TAF4B: variants seen among roughly 807,000 people sequenced by gnomAD.
TAF4B encodes TATA-box binding protein associated factor 4b, also known as transcription initiation factor TFIID subunit 4B.
TAF4B carries 38 observed loss-of-function variants against 86.4 expected under a neutral mutation model. That is an observed-to-expected ratio of 0.44 (90% CI 0.34 to 0.58). TAF4B has a LOEUF of 0.58. Ranked by LOEUF, TAF4B falls within the 20% of genes least tolerant of loss-of-function variation. The pLI is 0.02. For synonymous variants in TAF4B, 388 were observed against 391.2 expected (o/e 0.99, Z 0.10); for missense variants, 988 against 1,027.6 (o/e 0.96, Z 0.53).
chr18:26,244,738 T>G (rs557486266), intron 1 of TAF4B, among the ~76,000 whole-genome samples: 1 of 152,290 alleles, frequency 6.6e-6, no homozygotes, highest in East Asian at 1.9e-4. Context: ...ATTATCCTTA[T>G]AAGAGAAACT....
chr18:26,255,892 G>A, intron 1 of TAF4B: 1 of 1,244,000 alleles, frequency 8.0e-7, no homozygotes. Context: ...GAAACAACTG[G>A]TGTTCTGTTA....
intron 6 of TAF4B, among the ~76,000 whole-genome samples, chr18:26,285,274 C>G (rs1310330782): frequency 2.6e-5 from 3 of 114,876 alleles, no homozygotes; most frequent in African/African-American, 9.2e-5. Context: ...GGCTAGAATG[C>G]AGTGGCATGA....
chr18:26,232,650 G>A (rs562597917), intron 1 of TAF4B, among the ~76,000 whole-genome samples: 38 of 152,034 alleles, frequency 2.5e-4, no homozygotes, highest in Admixed American at 1.8e-3. Flanking sequence ...GTGGCATCTC[G>A]TACTATCCCT....
intron 1 of TAF4B, among the ~76,000 whole-genome samples, chr18:26,247,093 G>T (rs67053996): frequency 6.6e-6 from 1 of 151,754 alleles, no homozygotes; most frequent in African/African-American, 2.4e-5. Context: ...TCGAACTCCC[G>T]ATCTTAGGTG....
At chr18:26,367,653 C>T (rs1447376444) in intron 14 of TAF4B, among the ~76,000 whole-genome samples, 1 of 152,166 alleles carries the variant, frequency 6.6e-6, no homozygotes, top group African/African-American at 2.4e-5. Flanking sequence ...ATCTGGGTAA[C>T]CCTTAGCCCA....
chr18:26,354,715 A>G (rs980578484), intron 13 of TAF4B, among the ~76,000 whole-genome samples: 3 of 152,146 alleles, frequency 2.0e-5, no homozygotes, highest in Non-Finnish European at 1.5e-5. Context: ...GGCCGTATTT[A>G]TATGCATCTT....
intron 6 of TAF4B, among the ~76,000 whole-genome samples, chr18:26,283,766 G>A (rs765019286): frequency 1.2e-4 from 18 of 152,016 alleles, no homozygotes; most frequent in Admixed American, 2.0e-4. Context: ...AAAATCTGTC[G>A]TTGGCCAGGC....
Position 26,358,432 on chromosome 18 carries a change from C to T in TAF4B, c.2421+638C>T, listed in dbSNP as rs539636749. 2.0e-3 allele frequency among the ~76,000 whole-genome samples: 303 copies of T among 152,286 alleles called. 2 individuals carry two copies. The highest frequency in any genetic ancestry group is 7.0e-3 in the African/African-American group (293 of 41,562). ...TAATTATTTAAGATAATATTAGGGC[C>T]GGGCGAGGTGGCTCACGCCTGTAAT... On this transcript the variant is annotated intron_variant, in intron 14 of 14. Transcript: ENST00000269142.
At chr18:26,370,871 A>G (rs2057401403) in intron 14 of TAF4B, among the ~76,000 whole-genome samples, 1 of 152,216 alleles carries the variant, frequency 6.6e-6, no homozygotes, top group African/African-American at 2.4e-5. Flanking sequence ...AGGTGGCCTG[A>G]AAGTGAAATT....
rs557055742 is a variant in TAF4B, at chr18:26,313,571, G to A, written c.1833-1658G>A. On this transcript the variant is annotated intron_variant, in intron 9 of 14. Transcript: ENST00000269142. ...TTTTCTTTCCCCATTACAGAGACAT[G>A]CCTTTTAATTTTGAGCTTTTGGTAT... Among the ~76,000 whole-genome samples the A allele has an allele frequency of 6.6e-5, 10 of 152,048 alleles. No homozygotes were observed. The South Asian group carries it at 2.1e-3, about 32-fold the overall frequency.
chr18:26,372,946 G>A (rs867528691), intron 14 of TAF4B, among the ~76,000 whole-genome samples: 38 of 137,770 alleles, frequency 2.8e-4, no homozygotes, highest in Admixed American at 2.6e-3. Flanking sequence ...GGGCAAAAGA[G>A]CTAGACTCTG....
At chr18:26,306,790 A>T (rs1007118400) in intron 9 of TAF4B, among the ~76,000 whole-genome samples, 15 of 148,208 alleles carry the variant, frequency 1.0e-4, no homozygotes, top group African/African-American at 2.5e-4. Context: ...TTATTTATTT[A>T]TTTTTTAAGA....
chr18:26,306,944 A>T (rs1251296565), intron 9 of TAF4B, among the ~76,000 whole-genome samples: 1 of 151,422 alleles, frequency 6.6e-6, no homozygotes, highest in African/African-American at 2.4e-5. Flanking sequence ...CACCCGGCTA[A>T]TTTTTTTTGT....
intron 13 of TAF4B, among the ~76,000 whole-genome samples, chr18:26,337,436 T>G (rs1158453170): frequency 2.7e-5 from 4 of 148,816 alleles, no homozygotes; most frequent in African/African-American, 9.9e-5. Context: ...TTTTTTTTTT[T>G]TTTTTGAGAT....
At chr18:26,251,861 A>G (rs142964338) in intron 1 of TAF4B, among the ~76,000 whole-genome samples, 3 of 152,328 alleles carry the variant, frequency 2.0e-5, no homozygotes, top group Admixed American at 6.5e-5. Context: ...TCTTGAAAAC[A>G]CTTTGGTCTG....
chr18:26,285,210 C>CTTTTTTTTTTTTTTTTTTTTTTTTTTT (rs113394710), intron 6 of TAF4B, among the ~76,000 whole-genome samples: 41 of 42,518 alleles, frequency 9.6e-4, no homozygotes, highest in Non-Finnish European at 1.4e-3. Context: ...TCTTCCTTTC[C>CTTTTTTTTTTTTTTTTTTTTTTTTTTT]TTTTTTTTTT....
At chr18:26,258,130 T>C (rs1172581704) in intron 1 of TAF4B, among the ~76,000 whole-genome samples, 2 of 151,998 alleles carry the variant, frequency 1.3e-5, no homozygotes, top group East Asian at 1.9e-4. Flanking sequence ...GGCATGTGCC[T>C]GTAATCCCAG....
Position 26,337,420 on chromosome 18 carries a change from C to CT in TAF4B, c.2316+2192dup, listed in dbSNP as rs2057101235. On this transcript the variant is annotated intron_variant, in intron 13 of 14. Transcript: ENST00000269142. ...CATATCTTTTTTCTTTTCTTTCTTT[C>CT]TTTCTTTTTTTTTTTTTTTTTGAGA... Among the ~76,000 whole-genome samples, 3 of 127,516 alleles carry CT rather than the reference C, an allele frequency of 2.4e-5. No homozygotes were observed. In the South Asian group the frequency reaches 1.0e-3, roughly 43 times the overall value. The allele number at this position is 127,516 out of a possible 152,430, so 83.7% of individuals were successfully genotyped here. A position where few individuals can be genotyped will look rare whatever the true frequency, so the allele number is the denominator to read the frequency against.
At chr18:26,244,482 C>T (rs577281413) in intron 1 of TAF4B, among the ~76,000 whole-genome samples, 2 of 152,178 alleles carry the variant, frequency 1.3e-5, no homozygotes, top group Non-Finnish European at 2.9e-5. Context: ...GTCACGGCTT[C>T]CCTTGGCTAG....
Sources: allele counts gnomAD v4.1 joint callset (sites outside exome capture counted in the v4.1 genomes callset), GRCh38; gene constraint gnomAD v4.1.1; transcripts MANE v1.5; gene names NCBI Gene and HGNC (gene_info 2026-07-23, HGNC 2026-07-21).